The following BSG variants were observed in gnomAD, a reference collection of about 807,000 sequenced individuals.
BSG encodes the protein basigin (Ok blood group).
BSG carries 37 observed loss-of-function variants against 43.1 expected under a neutral mutation model. The ratio of observed to expected loss-of-function variants is 0.86; its 90% CI spans 0.66 to 1.13. The LOEUF is 1.13. Ranked by LOEUF, BSG falls within the 50% of genes most tolerant of loss-of-function variation. The probability of loss-of-function intolerance (pLI) is 0.00; values close to 1 mark genes in which losing one functional copy is unlikely to be tolerated. For missense variants in BSG, 599 were observed against 554.2 expected (o/e 1.08, Z -0.81); for synonymous variants, 309 against 238.7 (o/e 1.29, Z -2.72).
intron 1 of BSG, among the ~76,000 whole-genome samples, chr19:574,626 C>A (rs1376409963): frequency 1.3e-5 from 2 of 152,290 alleles, no homozygotes; most frequent in East Asian, 3.9e-4. Context: ...GGTCTGGCCT[C>A]CTGAAGGGTC....
At chr19:572,895 G>A (rs545329526) in intron 1 of BSG, among the ~76,000 whole-genome samples, 194 bp downstream of exon 1, 3 of 152,296 alleles carry the variant, frequency 2.0e-5, no homozygotes, top group South Asian at 4.1e-4. Context: ...GGGGACTAGA[G>A]GTTCCTCCCG....
At chr19:579,355 G>A (rs930721768) in intron 2 of BSG, 145 bp from the exon 3 acceptor site, 17 of 1,142,450 alleles carry the variant, frequency 1.5e-5, no homozygotes, top group Non-Finnish European at 1.9e-5. Flanking sequence ...TTGGGCCTCC[G>A]GTCCTCGGGG....
upstream of BSG, chr19:572,517 C>T (rs879668877): frequency 8.1e-7 from 1 of 1,228,854 alleles, no homozygotes; most frequent in East Asian, 3.4e-5. Flanking sequence ...GCTCGCCCCG[C>T]CCCCGAGATG....
intron 1 of BSG, among the ~76,000 whole-genome samples, chr19:574,283 G>A (rs982395765): frequency 1.3e-5 from 2 of 151,066 alleles, no homozygotes; most frequent in African/African-American, 4.9e-5. Context: ...GTCGGGCATG[G>A]TGGCTCACGC....
chr19:580,353 G>A lies in BSG; in HGVS notation c.573-26G>A, dbSNP rs189460104. ...GAGGCGTCCTGCAGAGCTGGTACGC[G>A]GCTCACCTGCCTGCTGTGGTTGCAG... On this transcript the variant is annotated intron_variant, in intron 3 of 8. Transcript: ENST00000333511. The A allele has an allele frequency of 1.0e-3, 1,618 of 1,606,434 alleles. 16 individuals carry two copies. In the African/African-American group the frequency reaches 0.017, roughly 17 times the overall value.
At chr19:576,803 A>C (rs535821301) in intron 1 of BSG, among the ~76,000 whole-genome samples, 1 of 151,790 alleles carries the variant, frequency 6.6e-6, no homozygotes, top group South Asian at 2.1e-4. Context: ...AAAACTTGTC[A>C]ACTGCGCCTG....
upstream of BSG, chr19:571,968 C>G: frequency 4.9e-6 from 1 of 202,632 alleles, no homozygotes; most frequent in Non-Finnish European, 1.0e-5. Flanking sequence ...CCAAATGGTG[C>G]ACAGGACGTT....
At chr19:582,429 G>A in intron 7 of BSG, 85 bp from the exon 8 acceptor site, 8 of 1,601,652 alleles carry the variant, frequency 5.0e-6, no homozygotes, top group East Asian at 4.5e-5. Flanking sequence ...AGTATTCGGG[G>A]GTCCTGGGGG....
chr19:572,949 G>A (rs1486115781), intron 1 of BSG, among the ~76,000 whole-genome samples: 1 of 147,248 alleles, frequency 6.8e-6, no homozygotes, highest in Admixed American at 6.7e-5. Flanking sequence ...CCTCGAGCCC[G>A]GCCTCTGTGT....
intron 2 of BSG, 167 bp from the exon 3 acceptor site, chr19:579,333 C>T: frequency 1.1e-6 from 1 of 944,706 alleles, no homozygotes; most frequent in Non-Finnish European, 1.6e-6. Context: ...GAGGCGTGGC[C>T]AGAAGTTCCC....
chr19:582,317 G>A lies in BSG; in HGVS notation c.1081G>A (p.Gly361Ser), dbSNP rs768559835. The change falls in exon 7 of 9, where the codon GGC (glycine) becomes AGC (serine). Residue 361 changes from glycine (G) to serine (S), a missense_variant. Coordinates refer to ENST00000333511, the MANE Select transcript of BSG (RefSeq NM_001728.4). Reference sequence around the variant, plus strand: ...CGGTCCTTCTTCAGATGACGACGCCGGCTCTGCACCCCTGTAAGTTCCAGC... The same window carrying A: ...CGGTCCTTCTTCAGATGACGACGCCAGCTCTGCACCCCTGTAAGTTCCAGC... ...PEDVLDDDDA[G>S]SAPLKSSGQH... is the part of the protein sequence containing the mutation. The A allele has an allele frequency of 1.5e-5, 24 of 1,601,524 alleles. No homozygotes were observed. The highest frequency in any genetic ancestry group is 1.9e-5 in the Non-Finnish European group (22 of 1,177,240).
intron 1 of BSG, among the ~76,000 whole-genome samples, chr19:574,632 G>GTGA (rs1359105722): frequency 6.6e-6 from 1 of 152,240 alleles, no homozygotes; most frequent in East Asian, 1.9e-4. Context: ...GCCTCCTGAA[G>GTGA]GGTCAAGAGC....
intron 1 of BSG, chr19:575,306 CTG>C (rs1203348125): frequency 2.0e-5 from 3 of 152,352 alleles, no homozygotes; most frequent in Non-Finnish European, 1.5e-5. Context: ...GCTGTTTGCT[CTG>C]TGAATTCGTG....
chr19:581,281 G>A (rs1422531026), intron 5 of BSG, 34 bp from the exon 6 acceptor site: 3 of 1,590,216 alleles, frequency 1.9e-6, no homozygotes, highest in African/African-American at 2.7e-5. Flanking sequence ...TAGACTGGGG[G>A]TCCTGGACTC....
At position 579,762 on chromosome 19, in the gene BSG, C is replaced by A. The variant is rs1982122770; in HGVS notation, c.572+106C>A. ...CAAAAGACCGGTCGGCAGGCTTGAT[C>A]CAGGCGGAAGTTAGGGACCAGCTCC... On this transcript the variant is annotated intron_variant, in intron 3 of 8. Coordinates refer to ENST00000333511, the MANE Select transcript of BSG (RefSeq NM_001728.4). 6 of 1,468,988 alleles carry A rather than the reference C, an allele frequency of 4.1e-6. No individual in the cohort carries two copies. The East Asian group carries it at 1.2e-4, about 30-fold the overall frequency. 91.0% of individuals were successfully genotyped at this position (1,468,988 alleles called of 1,614,324 possible).
At position 582,791 on chromosome 19, in the gene BSG, C is replaced by T. The variant is rs572491781; in HGVS notation, c.*47C>T. ...CCCTGCTCCACGTCTGCGCCGCCGC[C>T]GGAGTCCACTCCCAGTGCTTGCAAG... On this transcript the variant is annotated 3_prime_UTR_variant, in exon 9 of 9. Transcript: ENST00000333511. 53 of 595,932 alleles carry T rather than the reference C, an allele frequency of 8.9e-5. No individual in the cohort carries two copies. Among genetic ancestry groups the T allele is most frequent in the Admixed American group, 3.8e-4 (12 of 31,780 alleles). The allele number at this position is 595,932 out of a possible 1,614,324, so 36.9% of individuals were successfully genotyped here. A position where few individuals can be genotyped will look rare whatever the true frequency, so the allele number is the denominator to read the frequency against.
intron 1 of BSG, among the ~76,000 whole-genome samples, chr19:575,737 T>C (rs1206213676): frequency 6.6e-6 from 1 of 152,056 alleles, no homozygotes; most frequent in Non-Finnish European, 1.5e-5. Flanking sequence ...GAAGGTGACT[T>C]TACTTGAGAA....
rs1442877369 is a variant in BSG, at chr19:577,946, C to T, written c.240C>T (p.His80=). 3.7e-6 allele frequency: 6 copies of T among 1,610,924 alleles called. No individual in the cohort carries two copies. Among genetic ancestry groups the T allele is most frequent in the Non-Finnish European group, 5.1e-6 (6 of 1,178,804 alleles). The stretch of plus-strand genomic sequence containing the variant: ...ACGGCGCCCGGCTGGACCGCGTCCA[C>T]ATCCACGCCACCTACCACCAGCACG... ...LWDGARLDRV[H]IHATYHQHAA... Residue 80 remains histidine (H), a synonymous_variant, in exon 2 of 9, where the codon CAC becomes CAT. Coordinates refer to ENST00000333511, the MANE Select transcript of BSG (RefSeq NM_001728.4).
At chr19:575,540 G>A (rs1699788965) in intron 1 of BSG, among the ~76,000 whole-genome samples, 1 of 149,530 alleles carries the variant, frequency 6.7e-6, no homozygotes, top group Non-Finnish European at 1.5e-5. Context: ...GTGGGGGTGG[G>A]TGGGGGAGGT....
Sources: gnomAD v4.1 joint callset for allele counts (sites outside exome capture counted in the v4.1 genomes callset) on GRCh38, gnomAD v4.1.1 for gene constraint, MANE v1.5 for transcripts, NCBI Gene and HGNC (gene_info 2026-07-23, HGNC 2026-07-21) for gene names.